The following TDRD3 variants were observed in gnomAD, a reference collection of about 807,000 sequenced individuals.
TDRD3 encodes tudor domain-containing protein 3.
TDRD3 carries 45 observed loss-of-function variants against 86.7 expected under a neutral mutation model. The ratio of observed to expected loss-of-function variants is 0.52; its 90% CI spans 0.41 to 0.67. TDRD3 has a LOEUF of 0.67. Ranked by LOEUF, TDRD3 falls within the 30% of genes least tolerant of loss-of-function variation. The probability of loss-of-function intolerance (pLI) is 0.00; values close to 1 mark genes in which losing one functional copy is unlikely to be tolerated. For synonymous variants in TDRD3, 298 were observed against 301.7 expected (o/e 0.99, Z 0.13); for missense variants, 814 against 889.0 (o/e 0.92, Z 1.07).
At chr13:60,551,166 G>C (rs1016786801) in intron 12 of TDRD3, among the ~76,000 whole-genome samples, 2 of 152,030 alleles carry the variant, frequency 1.3e-5, no homozygotes, top group African/African-American at 4.8e-5. Flanking sequence ...CTCTTCTTTA[G>C]CCTCTGTATC....
intron 7 of TDRD3, among the ~76,000 whole-genome samples, chr13:60,492,751 A>G (rs1412174453): frequency 1.3e-5 from 2 of 152,026 alleles, no homozygotes; most frequent in Non-Finnish European, 2.9e-5. Flanking sequence ...GTAATTGAAG[A>G]TGTGGTTTTA....
In TDRD3 at chr13:60,439,566, C is replaced by T. The variant is rs1594935477; in HGVS notation, c.42-122C>T. On this transcript the variant is annotated intron_variant, in intron 1 of 13. Transcript: ENST00000377881. ...ATAAACAGGGAATCCATATCCAAGACTCTTTCCCTAGTATTTGTAGCAGAA... is the reference window on the plus strand; with the variant it reads ...ATAAACAGGGAATCCATATCCAAGATTCTTTCCCTAGTATTTGTAGCAGAA... 4 of 668,550 alleles carry T rather than the reference C, an allele frequency of 6.0e-6. No individual in the cohort carries two copies. In the East Asian group the frequency reaches 8.6e-5, roughly 14 times the overall value. 41.4% of individuals were successfully genotyped at this position (668,550 alleles called of 1,614,324 possible). A position where few individuals can be genotyped will look rare whatever the true frequency, so the allele number is the denominator to read the frequency against.
chr13:60,555,844 A>AT (rs1958170011), intron 12 of TDRD3, among the ~76,000 whole-genome samples: 1 of 126,914 alleles, frequency 7.9e-6, no homozygotes. Context: ...AAACCAACCT[A>AT]TTTCTTTCTT....
intron 3 of TDRD3, among the ~76,000 whole-genome samples, chr13:60,446,038 T>C (rs1955389085): frequency 6.6e-6 from 1 of 152,150 alleles, no homozygotes; most frequent in Non-Finnish European, 1.5e-5. Flanking sequence ...TTTAAAACTT[T>C]CTGATCTAGA....
chr13:60,423,206 T>C (rs1017116410), intron 1 of TDRD3, among the ~76,000 whole-genome samples: 3 of 152,178 alleles, frequency 2.0e-5, no homozygotes, highest in Admixed American at 1.3e-4. Context: ...TTTTTAAATA[T>C]TAAGGCCATA....
intron 8 of TDRD3, among the ~76,000 whole-genome samples, chr13:60,499,643 T>C (rs1446387314): frequency 2.6e-5 from 4 of 152,312 alleles, no homozygotes; most frequent in African/African-American, 7.2e-5. Flanking sequence ...TGGTGAGATA[T>C]TTGCATGCCA....
At chr13:60,539,518 A>G (rs1056562229) in intron 12 of TDRD3, among the ~76,000 whole-genome samples, 5 of 151,802 alleles carry the variant, frequency 3.3e-5, no homozygotes, top group Admixed American at 6.6e-5. Context: ...AAGTTCTTAT[A>G]TATTTTATCT....
chr13:60,505,288 G>A (rs770546173), intron 8 of TDRD3, among the ~76,000 whole-genome samples: 19 of 152,194 alleles, frequency 1.2e-4, no homozygotes, highest in Non-Finnish European at 2.5e-4. Context: ...GCCTTAGTAG[G>A]CAGTTTTCCC....
At chr13:60,501,748 C>G (rs1956837743) in intron 8 of TDRD3, among the ~76,000 whole-genome samples, 1 of 152,222 alleles carries the variant, frequency 6.6e-6, no homozygotes, top group Admixed American at 6.5e-5. Context: ...ACCAACTATT[C>G]TCTTTAGGAC....
In TDRD3 at chr13:60,439,676, T is replaced by A. The variant is rs1408347689; in HGVS notation, c.42-12T>A. On this transcript the variant is annotated splice_polypyrimidine_tract_variant and intron_variant, in intron 1 of 13. Transcript: ENST00000377881. ...TTTAGATAATATTAAGCCATTTATT[T>A]TATTTTAACAGGTATCTTTCAGATG... 4.6e-6 allele frequency: 7 copies of A among 1,525,856 alleles called. No homozygotes were observed. Among genetic ancestry groups the A allele is most frequent in the Non-Finnish European group, 6.2e-6 (7 of 1,138,056 alleles). The allele number at this position is 1,525,856 out of a possible 1,614,324, so 94.5% of individuals were successfully genotyped here. A position where few individuals can be genotyped will look rare whatever the true frequency, so the allele number is the denominator to read the frequency against.
At chr13:60,532,355 C>G (rs180696391) in intron 11 of TDRD3, among the ~76,000 whole-genome samples, 1 of 152,184 alleles carries the variant, frequency 6.6e-6, no homozygotes, top group Non-Finnish European at 1.5e-5. Context: ...ACTGTGGACT[C>G]TAAATAGATT....
In TDRD3 at chr13:60,492,432, A is replaced by G. The variant is rs183191586; in HGVS notation, c.718-2003A>G. On this transcript the variant is annotated intron_variant, in intron 7 of 13. Coordinates refer to ENST00000377881, the MANE Select transcript of TDRD3 (RefSeq NM_001146070.2). Reference sequence around the variant, plus strand: ...GTCATTTAATTCTCCAAATATCCCAATGAGGTAGGTTTTCTAATCCCAGTT... The same window carrying G: ...GTCATTTAATTCTCCAAATATCCCAGTGAGGTAGGTTTTCTAATCCCAGTT... Among the ~76,000 whole-genome samples, 8 of 152,292 alleles carry G rather than the reference A, an allele frequency of 5.3e-5. No individual in the cohort carries two copies. In the South Asian group the frequency reaches 1.0e-3, roughly 20 times the overall value.
intron 5 of TDRD3, among the ~76,000 whole-genome samples, chr13:60,475,597 CTT>C (rs946204857): frequency 6.6e-6 from 1 of 151,944 alleles, no homozygotes; most frequent in African/African-American, 2.4e-5. Context: ...TAGTTGAACT[CTT>C]AGTTCTTTGA....
intron 3 of TDRD3, among the ~76,000 whole-genome samples, chr13:60,459,030 G>A (rs1331960580): frequency 1.3e-5 from 2 of 151,904 alleles, no homozygotes; most frequent in Non-Finnish European, 2.9e-5. Flanking sequence ...ATTTTTTTTC[G>A]TAAGTGAAAA....
At position 60,509,902 on chromosome 13, in the gene TDRD3, T is replaced by C. The variant is rs148850765; in HGVS notation, c.998T>C (p.Met333Thr). Reference sequence around the variant, plus strand: ...ACAAGCAATAAACAGAAACCTGTTATGGGTCCTCCTCTGAGAGGTATAATT... The same window carrying C: ...ACAAGCAATAAACAGAAACCTGTTACGGGTCCTCCTCTGAGAGGTATAATT... ...LLTSNKQKPV[M>T]GPPLRGRGKG... Residue 333 changes from methionine to threonine, a missense_variant, in exon 9 of 14, where the codon ATG becomes ACG. By Grantham distance (81) the Met-to-Thr change is moderately conservative (BLOSUM62 -1). Coordinates refer to ENST00000377881, the MANE Select transcript of TDRD3 (RefSeq NM_001146070.2). 55 of 1,613,504 alleles carry C rather than the reference T, an allele frequency of 3.4e-5. No homozygotes were observed. The African/African-American group carries it at 6.9e-4, about 20-fold the overall frequency.
At chr13:60,424,429 G>A (rs1404204659) in intron 1 of TDRD3, among the ~76,000 whole-genome samples, 1 of 152,066 alleles carries the variant, frequency 6.6e-6, no homozygotes, top group Non-Finnish European at 1.5e-5. Context: ...TGTAATCCCA[G>A]CACTTTGGGA....
chr13:60,426,608 G>A (rs11842051), intron 1 of TDRD3, among the ~76,000 whole-genome samples: 29,593 of 152,156 alleles, frequency 0.19, 3,567 homozygotes, highest in South Asian at 0.29. Context: ...GAAATGGGTA[G>A]TTTTCTAGGA....
chr13:60,518,555 T>C (rs1401373099), intron 10 of TDRD3, among the ~76,000 whole-genome samples: 1 of 152,252 alleles, frequency 6.6e-6, no homozygotes, highest in African/African-American at 2.4e-5. Flanking sequence ...CACCTTGTCC[T>C]GCCATTGATG....
intron 7 of TDRD3, among the ~76,000 whole-genome samples, chr13:60,490,613 TG>T (rs1430538345): frequency 6.6e-6 from 1 of 152,200 alleles, no homozygotes; most frequent in African/African-American, 2.4e-5. Flanking sequence ...TAATTGTGGC[TG>T]CTGTGTTCAG....
Sources: gnomAD v4.1 joint callset for allele counts (sites outside exome capture counted in the v4.1 genomes callset) on GRCh38, gnomAD v4.1.1 for gene constraint, MANE v1.5 for transcripts, NCBI Gene and HGNC (gene_info 2026-07-23, HGNC 2026-07-21) for gene names.